Variants in EFEMP1 observed in about 807,000 individuals in gnomAD.
EFEMP1 encodes EGF-like fibulin extracellular matrix protein 1.
Under a neutral mutation model 65.7 loss-of-function variants are expected in EFEMP1, and 18 were observed. That is an observed-to-expected ratio of 0.27 (90% CI 0.19 to 0.41). The LOEUF (loss-of-function observed/expected upper bound fraction) is 0.41. EFEMP1 is among the 10% of genes least tolerant of loss of function. The probability of loss-of-function intolerance (pLI) is 1.00; values close to 1 mark genes in which losing one functional copy is unlikely to be tolerated. For synonymous variants in EFEMP1, 237 were observed against 219.7 expected, an observed-to-expected ratio of 1.08 and a Z score of -0.70; for missense variants, 469 against 624.8, an observed-to-expected ratio of 0.75 and a Z score of 2.66.
chr2:55,899,745 C>T (rs989113405), intron 5 of EFEMP1, among the ~76,000 whole-genome samples: 1 of 152,168 alleles, frequency 6.6e-6, no homozygotes, highest in Non-Finnish European at 1.5e-5. Context: ...TTCCCTTCTA[C>T]CCAAGTAGTG....
chr2:55,909,863 T>C (rs1670416603), intron 5 of EFEMP1, among the ~76,000 whole-genome samples: 2 of 152,182 alleles, frequency 1.3e-5, no homozygotes. Flanking sequence ...TATTACAAAT[T>C]CCCTAAAGAC....
Position 55,923,123 on chromosome 2 carries a change from A to C in EFEMP1, c.-48-184T>G, listed in dbSNP as rs1670966669. On this transcript the variant is annotated intron_variant, in intron 1 of 11. Transcript: ENST00000355426. The surrounding 1 kb of genome is among the most constrained non-coding windows in gnomAD (Gnocchi z 5.3). ...GGCATTTCCACGCCTTTCTCTGCGC[A>C]CAGCTTTGTTTAAAAGTCCCAGGTT... is the stretch of plus-strand genomic sequence containing the variant. Among the ~76,000 whole-genome samples the C allele has an allele frequency of 6.6e-6, 1 of 152,252 alleles. No individual in the cohort carries two copies. Among genetic ancestry groups the C allele is most frequent in the Middle Eastern group, 3.4e-3 (1 of 294 alleles).
intron 5 of EFEMP1, among the ~76,000 whole-genome samples, chr2:55,893,701 G>A (rs891010912): frequency 5.9e-5 from 9 of 152,172 alleles, no homozygotes; most frequent in African/African-American, 2.2e-4. Flanking sequence ...TTGGTAGTGG[G>A]ATCAGGGTGG....
rs1304000859 is a variant in EFEMP1, at chr2:55,877,887, C to A, written c.641-22G>T. 2 of 1,611,744 alleles carry A rather than the reference C, an allele frequency of 1.2e-6. No homozygotes were observed. The highest frequency in any genetic ancestry group is 1.7e-6 in the Non-Finnish European group (2 of 1,178,380). On this transcript the variant is annotated intron_variant, in intron 6 of 11. Transcript: ENST00000355426. The surrounding 1 kb of genome is among the most constrained non-coding windows in gnomAD (Gnocchi z 4.5). Reference sequence around the variant, plus strand: ...ATGTCTAGGTTATCAGGCACACACACAAAGAGAACCAAATTATTGAATTAG... The same window carrying A: ...ATGTCTAGGTTATCAGGCACACACAAAAAGAGAACCAAATTATTGAATTAG...
At chr2:55,904,985 C>CTTTTTTTTTT (rs1168768201) in intron 5 of EFEMP1, among the ~76,000 whole-genome samples, 1 of 23,188 alleles carries the variant, frequency 4.3e-5, no homozygotes, top group Non-Finnish European at 7.2e-5. Context: ...TTTTCTTTTT[C>CTTTTTTTTTT]TTTTTTTTTT....
At chr2:55,895,836 C>G (rs1669811772) in intron 5 of EFEMP1, among the ~76,000 whole-genome samples, 1 of 152,288 alleles carries the variant, frequency 6.6e-6, no homozygotes, top group Non-Finnish European at 1.5e-5. Flanking sequence ...CCACCGCGCC[C>G]GGCCAAATTA....
At chr2:55,910,512 C>T (rs1210424606) in intron 5 of EFEMP1, among the ~76,000 whole-genome samples, 2 of 152,144 alleles carry the variant, frequency 1.3e-5, no homozygotes, top group African/African-American at 2.4e-5. Context: ...AAAGGCAATC[C>T]TTACAAAAGG....
Position 55,871,169 on chromosome 2 carries a change from C to A in EFEMP1, c.1001-46G>T. 6.2e-7 allele frequency: 1 copy of A among 1,611,522 alleles called. No individual in the cohort carries two copies. Among genetic ancestry groups the A allele is most frequent in the African/African-American group, 1.3e-5 (1 of 74,972 alleles). On this transcript the variant is annotated intron_variant, in intron 9 of 11. Transcript: ENST00000355426. The surrounding 1 kb of genome is among the most constrained non-coding windows in gnomAD (Gnocchi z 4.2). The stretch of plus-strand genomic sequence containing the variant: ...AGAGTTTACTAACTAAACTAATGAA[C>A]TGATCTAATTAAATCATATAACTGG...
rs371959723 is a variant in EFEMP1, at chr2:55,896,028, C to A, written c.518-14294G>T. Reference sequence around the variant, plus strand: ...GACCACCAAAGTCTGGCATTCTCCACTGGGAAACTAACAGCTGGATAACCC... The same window carrying A: ...GACCACCAAAGTCTGGCATTCTCCAATGGGAAACTAACAGCTGGATAACCC... On this transcript the variant is annotated intron_variant, in intron 5 of 11. Coordinates refer to ENST00000355426, the MANE Select transcript of EFEMP1 (RefSeq NM_001039348.3). Among the ~76,000 whole-genome samples, 8 of 152,164 alleles carry A rather than the reference C, an allele frequency of 5.3e-5. No individual in the cohort carries two copies. The East Asian group carries it at 5.8e-4, about 11-fold the overall frequency.
rs867678752 is a variant in EFEMP1, at chr2:55,873,065, T to A, written c.1000+1881A>T. Reference sequence around the variant, plus strand: ...ATTCTTTTGTCTCTCTGTCTCTCTCTCCACACACACACACACACACACACA... The same window carrying A: ...ATTCTTTTGTCTCTCTGTCTCTCTCACCACACACACACACACACACACACA... On this transcript the variant is annotated intron_variant, in intron 9 of 11. Transcript: ENST00000355426. This position sits in a 1 kb window ranked among gnomAD's most constrained non-coding sequence, Gnocchi z 4.6. 2.0e-4 allele frequency among the ~76,000 whole-genome samples: 10 copies of A among 50,346 alleles called. No individual in the cohort carries two copies. The highest frequency in any genetic ancestry group is 1.9e-3 in the South Asian group (2 of 1,040). 33.0% of individuals were successfully genotyped at this position (50,346 alleles called of 152,430 possible). A position where few individuals can be genotyped will look rare whatever the true frequency, so the allele number is the denominator to read the frequency against.
chr2:55,888,123 T>C (rs1669491557), intron 5 of EFEMP1, among the ~76,000 whole-genome samples: 1 of 152,190 alleles, frequency 6.6e-6, no homozygotes, highest in African/African-American at 2.4e-5. Flanking sequence ...CAATGGGTCA[T>C]AGGCTGAAAC....
rs375661021 is a variant in EFEMP1 at position 55,888,190 on chromosome 2, A to G, written c.518-6456T>C. Reference sequence around the variant, plus strand: ...TCTCATTCTTCAGCTGTTTTTGCCCACTGGCAACATGAAGCTTATGCTTTC... The same window carrying G: ...TCTCATTCTTCAGCTGTTTTTGCCCGCTGGCAACATGAAGCTTATGCTTTC... On this transcript the variant is annotated intron_variant, in intron 5 of 11. Transcript: ENST00000355426. 2.6e-5 allele frequency among the ~76,000 whole-genome samples: 4 copies of G among 152,358 alleles called. No homozygotes were observed. In the East Asian group the frequency reaches 5.8e-4, roughly 22 times the overall value.
At chr2:55,872,087 C>CAATAAA (rs1023692335) in intron 9 of EFEMP1, among the ~76,000 whole-genome samples, 1 of 151,360 alleles carries the variant, frequency 6.6e-6, no homozygotes, top group African/African-American at 2.4e-5. Flanking sequence ...ACAACAACAA[C>CAATAAA]AATAAAAATA....
chr2:55,868,137 C>A (rs1402205128), intron 11 of EFEMP1, among the ~76,000 whole-genome samples: 1 of 152,226 alleles, frequency 6.6e-6, no homozygotes, highest in Non-Finnish European at 1.5e-5. Flanking sequence ...GGGGCAGGAA[C>A]TGGCTTGGCT....
chr2:55,918,327 A>G, intron 3 of EFEMP1, 60 bp from the exon 4 acceptor site: 4 of 1,579,536 alleles, frequency 2.5e-6, no homozygotes, highest in Non-Finnish European at 3.5e-6. Flanking sequence ...TCCATTCCCT[A>G]AGAAATCACT....
intron 9 of EFEMP1, among the ~76,000 whole-genome samples, chr2:55,872,262 C>T (rs534996780): frequency 6.6e-6 from 1 of 152,160 alleles, no homozygotes; most frequent in African/African-American, 2.4e-5. Context: ...TTGCTGTAAG[C>T]CAAGCATGGG....
In EFEMP1 at chr2:55,898,107, A is replaced by T. The variant is rs1310293188; in HGVS notation, c.518-16373T>A. Among the ~76,000 whole-genome samples the T allele has an allele frequency of 2.0e-5, 3 of 152,200 alleles. No homozygotes were observed. In the East Asian group the frequency reaches 5.8e-4, roughly 29 times the overall value. ...ATACACTACGATTAACGAACATTTT[A>T]CAGTTTAATGAATGTGAGCATGAGG... On this transcript the variant is annotated intron_variant, in intron 5 of 11. Transcript: ENST00000355426.
At chr2:55,892,209 T>C (rs1445608405) in intron 5 of EFEMP1, among the ~76,000 whole-genome samples, 1 of 152,182 alleles carries the variant, frequency 6.6e-6, no homozygotes, top group Non-Finnish European at 1.5e-5. Context: ...CATTTTACTT[T>C]ACATTTCCAT....
At position 55,877,897 on chromosome 2, in the gene EFEMP1, C is replaced by A. The variant is rs767400204; in HGVS notation, c.641-32G>T. The A allele has an allele frequency of 6.8e-6, 11 of 1,610,506 alleles. No individual in the cohort carries two copies. The Admixed American group carries it at 8.3e-5, about 12-fold the overall frequency. ...TATCAGGCACACACACAAAGAGAAC[C>A]AAATTATTGAATTAGCATTCTCTGA... On this transcript the variant is annotated intron_variant, in intron 6 of 11. Coordinates refer to ENST00000355426, the MANE Select transcript of EFEMP1 (RefSeq NM_001039348.3). This position sits in a 1 kb window ranked among gnomAD's most constrained non-coding sequence, Gnocchi z 4.5.
Sources: allele counts gnomAD v4.1 joint callset (sites outside exome capture counted in the v4.1 genomes callset), GRCh38; gene constraint gnomAD v4.1.1; non-coding constraint Gnocchi (gnomAD v3.1); transcripts MANE v1.5; gene names NCBI Gene and HGNC (gene_info 2026-07-23, HGNC 2026-07-21).